BRD10: variants seen among roughly 807,000 people sequenced by gnomAD.
BRD10 encodes uncharacterized bromodomain-containing protein 10.
At chr9:5,920,121 G>A in the BRD10 span, 7 of 1,613,780 alleles carry the variant, frequency 4.3e-6, no homozygotes, top group Admixed American at 8.3e-5. Context: ...CTTCTTAGAG[G>A]ATGTTGTAGA....
the BRD10 span, among the ~76,000 whole-genome samples, chr9:5,886,903 C>T: frequency 6.6e-6 from 1 of 152,164 alleles, no homozygotes; most frequent in Non-Finnish European, 1.5e-5. Context: ...AGCTGCAAAC[C>T]ACTCAAAGAC....
At chr9:5,898,755 C>A in the BRD10 span, among the ~76,000 whole-genome samples, 1 of 152,192 alleles carries the variant, frequency 6.6e-6, no homozygotes. Context: ...TTCTTCACCC[C>A]TTTCCTCACT....
the BRD10 span, chr9:5,924,995 G>C: frequency 1.8e-6 from 1 of 553,356 alleles, no homozygotes; most frequent in Non-Finnish European, 2.8e-6. Flanking sequence ...AAGATGCTTA[G>C]TTCAGTCTTG....
At chr9:5,942,962 C>T in the BRD10 span, among the ~76,000 whole-genome samples, 16 of 152,124 alleles carry the variant, frequency 1.1e-4, no homozygotes, top group African/African-American at 3.6e-4. Context: ...ACTGCAGCCT[C>T]GACCTCCTGG....
chr9:5,973,328 G>A, the BRD10 span, among the ~76,000 whole-genome samples: 412 of 152,166 alleles, frequency 2.7e-3, 1 homozygote, highest in African/African-American at 9.2e-3. Flanking sequence ...TCAGCTGGGC[G>A]TAGTGGTACA....
chr9:5,928,907 T>C, the BRD10 span: 361 of 540,556 alleles, frequency 6.7e-4, 7 homozygotes, highest in South Asian at 8.6e-3. Flanking sequence ...GAAAGAGCCT[T>C]GCACACAGTG....
the BRD10 span, among the ~76,000 whole-genome samples, chr9:5,888,390 C>T: frequency 2.0e-5 from 3 of 152,188 alleles, no homozygotes; most frequent in Non-Finnish European, 4.4e-5. Context: ...TTATGTTATA[C>T]ATCATTTTAA....
the BRD10 span, chr9:5,929,176 A>C: frequency 1.1e-5 from 13 of 1,228,124 alleles, no homozygotes; most frequent in Middle Eastern, 3.8e-4. Flanking sequence ...ATAATGTTTA[A>C]AGTAAATCCC....
the BRD10 span, chr9:5,923,141 T>A: frequency 1.9e-6 from 3 of 1,614,032 alleles, no homozygotes; most frequent in South Asian, 3.3e-5. Context: ...TAACTTTGCC[T>A]TCTTCCTTGG....
At chr9:5,891,688 T>G in the BRD10 span, among the ~76,000 whole-genome samples, 2 of 152,222 alleles carry the variant, frequency 1.3e-5, no homozygotes, top group Non-Finnish European at 2.9e-5. Flanking sequence ...ATATTTTTTG[T>G]TGTTCATTTG....
chr9:5,992,756 G>C, the BRD10 span, among the ~76,000 whole-genome samples: 2 of 148,044 alleles, frequency 1.4e-5, no homozygotes, highest in African/African-American at 2.5e-5. Context: ...AGTCTTTTCT[G>C]TGTTAATACA....
chr9:5,949,630 G>A, the BRD10 span, among the ~76,000 whole-genome samples: 1 of 152,162 alleles, frequency 6.6e-6, no homozygotes, highest in African/African-American at 2.4e-5. Context: ...ATGGGAGCAA[G>A]GGCACACTGC....
At chr9:5,944,797 A>C in the BRD10 span, 1 of 615,038 alleles carries the variant, frequency 1.6e-6, no homozygotes, top group Non-Finnish European at 2.6e-6. Context: ...AAGATTTCAA[A>C]AAGGCTTTAG....
chr9:5,920,963 G>T, the BRD10 span: 2 of 1,613,922 alleles, frequency 1.2e-6, no homozygotes, highest in Non-Finnish European at 1.7e-6. Flanking sequence ...TAAAACAGGA[G>T]GTTGTGCCCC....
the BRD10 span, among the ~76,000 whole-genome samples, chr9:5,881,063 G>A: frequency 3.3e-5 from 5 of 152,030 alleles, no homozygotes; most frequent in African/African-American, 9.7e-5. Context: ...ACTCATCCAG[G>A]GATAAGAAGT....
At chr9:5,896,333 T>C in the BRD10 span, among the ~76,000 whole-genome samples, 1 of 152,230 alleles carries the variant, frequency 6.6e-6, no homozygotes, top group Non-Finnish European at 1.5e-5. Flanking sequence ...TATGGTAATG[T>C]TGATGAATCT....
chr9:5,975,926 C>G, the BRD10 span, among the ~76,000 whole-genome samples: 4 of 151,962 alleles, frequency 2.6e-5, no homozygotes, highest in Non-Finnish European at 5.9e-5. Flanking sequence ...CAGAAAAGAA[C>G]AAAATTAAGA....
At chr9:5,914,564 T>C in the BRD10 span, among the ~76,000 whole-genome samples, 37,882 of 151,042 alleles carry the variant, frequency 0.25, 5,013 homozygotes, top group South Asian at 0.36. Context: ...GCTGGGACTA[T>C]AGGCACCCAC....
At chr9:5,952,515 T>C in the BRD10 span, among the ~76,000 whole-genome samples, 1 of 152,230 alleles carries the variant, frequency 6.6e-6, no homozygotes, top group Admixed American at 6.5e-5. Context: ...CTGATTTCTT[T>C]TCTAGTTTAA....
Sources: allele counts gnomAD v4.1 joint callset (sites outside exome capture counted in the v4.1 genomes callset), GRCh38; gene constraint gnomAD v4.1.1; transcripts MANE v1.5; gene names NCBI Gene and HGNC (gene_info 2026-07-23, HGNC 2026-07-21).